Variants in SLC22A24 observed in about 807,000 individuals in gnomAD.
SLC22A24 encodes the protein solute carrier family 22 member 24.
SLC22A24 carries 53 observed loss-of-function variants against 49.8 expected under a neutral mutation model. That is an observed-to-expected ratio of 1.06 (90% CI 0.85 to 1.34). The LOEUF is 1.34. Ranked by LOEUF, SLC22A24 falls within the 40% of genes most tolerant of loss-of-function variation. The pLI, the probability that SLC22A24 is intolerant of heterozygous loss-of-function variation, is 0.00. For missense variants in SLC22A24, 786 were observed against 675.9 expected, an observed-to-expected ratio of 1.16 and a Z score of -1.81; for synonymous variants, 302 against 256.4, an observed-to-expected ratio of 1.18 and a Z score of -1.70.
intron 7 of SLC22A24, among the ~76,000 whole-genome samples, chr11:63,082,015 T>C (rs2086963135): frequency 6.6e-6 from 1 of 152,232 alleles, no homozygotes; most frequent in African/African-American, 2.4e-5. Flanking sequence ...ATATTTGTTC[T>C]ATTAGAACAA....
At chr11:63,141,622 A>T (rs899099915) in intron 1 of SLC22A24, among the ~76,000 whole-genome samples, 1 of 151,772 alleles carries the variant, frequency 6.6e-6, no homozygotes, top group Non-Finnish European at 1.5e-5. Context: ...AGGCCCAGGA[A>T]CCCCAAGTTA....
At chr11:63,081,754 T>G in intron 7 of SLC22A24, 88 bp from the exon 8 acceptor site, 1 of 886,830 alleles carries the variant, frequency 1.1e-6, no homozygotes, top group Non-Finnish European at 1.8e-6. Flanking sequence ...ATGGAGGAAT[T>G]TGCAAGTGTG....
At position 63,095,031 on chromosome 11, in the gene SLC22A24, G is replaced by C. The variant is rs1475085775; in HGVS notation, c.1070+960C>G. ...TTGGCTTTTGTTGCCATTGCTTTTGGTGTTTTAGACATGAAGTCCTTGCCC... is the reference window on the plus strand; with the variant it reads ...TTGGCTTTTGTTGCCATTGCTTTTGCTGTTTTAGACATGAAGTCCTTGCCC... On this transcript the variant is annotated intron_variant, in intron 6 of 9. Transcript: ENST00000612278. Among the ~76,000 whole-genome samples the C allele has an allele frequency of 3.3e-5, 5 of 152,090 alleles. No individual in the cohort carries two copies. The South Asian group carries it at 1.0e-3, about 32-fold the overall frequency.
intron 5 of SLC22A24, among the ~76,000 whole-genome samples, chr11:63,101,218 A>T (rs897348527): frequency 1.3e-5 from 2 of 152,034 alleles, no homozygotes; most frequent in African/African-American, 4.8e-5. Flanking sequence ...AGGGAATGTA[A>T]ATTAGTACAA....
At chr11:63,110,443 T>C (rs2134657757) in intron 4 of SLC22A24, among the ~76,000 whole-genome samples, 1 of 150,528 alleles carries the variant, frequency 6.6e-6, no homozygotes, top group South Asian at 2.1e-4. Context: ...TTGGGCAGTA[T>C]GGCCATTTTC....
In SLC22A24 at chr11:63,081,548, G is replaced by C. The variant is rs986947999; in HGVS notation, c.1394+10C>G. 6.5e-7 allele frequency: 1 copy of C among 1,537,752 alleles called. No homozygotes were observed. Among genetic ancestry groups the C allele is most frequent in the Non-Finnish European group, 8.8e-7 (1 of 1,134,296 alleles). On this transcript the variant is annotated intron_variant, in intron 8 of 9. Transcript: ENST00000612278. ...GTGTTTTGAAACCAGATGGTCTTTA[G>C]CTCTTGTACCTCAATATGGTGGGGA... is the stretch of plus-strand genomic sequence containing the variant.
intron 4 of SLC22A24, among the ~76,000 whole-genome samples, chr11:63,110,869 G>A (rs1402864758): frequency 1.3e-4 from 20 of 148,194 alleles, no homozygotes; most frequent in Non-Finnish European, 2.3e-4. Flanking sequence ...GCCCTGGCCA[G>A]AACTTCCAAC....
chr11:63,121,251 C>T (rs1007815398), intron 2 of SLC22A24, among the ~76,000 whole-genome samples: 23 of 152,130 alleles, frequency 1.5e-4, no homozygotes, highest in African/African-American at 5.1e-4. Flanking sequence ...TGGGAACACT[C>T]TACTTTCTAC....
rs56708217 is a variant in SLC22A24, at chr11:63,099,371, A to ATTTTTTTTTTTTTTTTTTTTTTTTTTTT, written c.955-3293_955-3266dup. 1.1e-4 allele frequency among the ~76,000 whole-genome samples: 6 copies of ATTTTTTTTTTTTTTTTTTTTTTTTTTTT among 52,334 alleles called. 1 individual carries two copies. The highest frequency in any genetic ancestry group is 3.8e-4 in the Admixed American group (1 of 2,600). The allele number at this position is 52,334 out of a possible 152,430, so 34.3% of individuals were successfully genotyped here. ...CCACCACACCTGGCTAATTTTTAAG[A>ATTTTTTTTTTTTTTTTTTTTTTTTTTTT]TTTTTTTTTTTTTTTTTTTTTTTTT... On this transcript the variant is annotated intron_variant, in intron 5 of 9. Coordinates refer to ENST00000612278, the MANE Select transcript of SLC22A24 (RefSeq NM_001136506.2).
intron 2 of SLC22A24, among the ~76,000 whole-genome samples, chr11:63,121,274 T>C (rs1255253109): frequency 1.3e-5 from 2 of 152,170 alleles, no homozygotes; most frequent in Non-Finnish European, 2.9e-5. Context: ...ATTATTTCTG[T>C]AAACCTAAAA....
chr11:63,131,070 T>C (rs1317537472), intron 2 of SLC22A24, among the ~76,000 whole-genome samples: 1 of 152,192 alleles, frequency 6.6e-6, no homozygotes, highest in Non-Finnish European at 1.5e-5. Flanking sequence ...GTTTAAAGTC[T>C]GTTTTATCAG....
intron 1 of SLC22A24, among the ~76,000 whole-genome samples, chr11:63,139,686 C>G (rs904567492): frequency 6.6e-6 from 1 of 152,276 alleles, no homozygotes; most frequent in African/African-American, 2.4e-5. Flanking sequence ...TGACTTCTCC[C>G]AAAGTATTTC....
intron 1 of SLC22A24, among the ~76,000 whole-genome samples, chr11:63,140,075 G>GGT (rs748998422): frequency 0.017 from 1,454 of 85,650 alleles, 13 homozygotes; most frequent in Middle Eastern, 0.038. Context: ...TTGTTTTTTT[G>GGT]TTTTTTTTTT....
chr11:63,127,690 A>G (rs1032902696), intron 2 of SLC22A24, among the ~76,000 whole-genome samples: 4 of 152,190 alleles, frequency 2.6e-5, no homozygotes, highest in Non-Finnish European at 4.4e-5. Flanking sequence ...GTGAGATGGT[A>G]TCTCATTGTG....
intron 6 of SLC22A24, among the ~76,000 whole-genome samples, chr11:63,087,200 A>C (rs1018124105): frequency 6.6e-6 from 1 of 152,154 alleles, no homozygotes; most frequent in Non-Finnish European, 1.5e-5. Context: ...ACCCATGCAG[A>C]TGGTGGGTGA....
chr11:63,134,042 T>C (rs894087871), intron 2 of SLC22A24, among the ~76,000 whole-genome samples: 2 of 152,220 alleles, frequency 1.3e-5, no homozygotes, highest in Non-Finnish European at 2.9e-5. Context: ...CTTATGTGGT[T>C]ATACAAATGA....
chr11:63,110,260 A>G (rs10897358), intron 4 of SLC22A24, among the ~76,000 whole-genome samples: 120,304 of 151,910 alleles, frequency 0.79, 48,844 homozygotes, highest in East Asian at 0.9. Context: ...GTCTTGTAGT[A>G]TAGTTTGAAG....
intron 4 of SLC22A24, among the ~76,000 whole-genome samples, chr11:63,106,251 A>G (rs1721339007): frequency 6.6e-6 from 1 of 152,034 alleles, no homozygotes; most frequent in African/African-American, 2.4e-5. Flanking sequence ...GTCCATACAA[A>G]GGACATGAAC....
intron 6 of SLC22A24, among the ~76,000 whole-genome samples, chr11:63,087,957 G>C (rs2086997422): frequency 6.6e-6 from 1 of 152,158 alleles, no homozygotes; most frequent in South Asian, 2.1e-4. Flanking sequence ...AGAACACCTG[G>C]GGGAAGGAGT....
Sources: allele counts gnomAD v4.1 joint callset (sites outside exome capture counted in the v4.1 genomes callset), GRCh38; gene constraint gnomAD v4.1.1; transcripts MANE v1.5; gene names NCBI Gene and HGNC (gene_info 2026-07-23, HGNC 2026-07-21).